Variants in KLHL24 observed in about 807,000 individuals in gnomAD.
KLHL24 encodes the protein kelch like family member 24.
A neutral mutation model predicts 53.4 loss-of-function variants in KLHL24; 29 were observed. That is an observed-to-expected ratio of 0.54 (90% CI 0.40 to 0.74). The LOEUF is 0.74. KLHL24 is among the 30% of genes least tolerant of loss of function. KLHL24 has a pLI of 0.00. For missense variants in KLHL24, 504 were observed against 744.0 expected (o/e 0.68, Z 3.75); for synonymous variants, 222 against 253.7 (o/e 0.88, Z 1.19).
intron 5 of KLHL24, among the ~76,000 whole-genome samples, chr3:183,667,494 G>T (rs572403205): frequency 1.3e-5 from 2 of 152,086 alleles, no homozygotes; most frequent in African/African-American, 2.4e-5. Context: ...TAGGAGCATG[G>T]ACAGCACATA....
Position 183,643,498 on chromosome 3 carries a change from C to T in KLHL24, c.-106C>T, listed in dbSNP as rs1383005956. ...ATTTTAGGTGTGGAAATTAAAAGAACACACATATTTTGACTGGGGCTTTGA... is the reference window on the plus strand; with the variant it reads ...ATTTTAGGTGTGGAAATTAAAAGAATACACATATTTTGACTGGGGCTTTGA... On this transcript the variant is annotated 5_prime_UTR_variant, in exon 2 of 8. Coordinates refer to ENST00000242810, the MANE Select transcript of KLHL24 (RefSeq NM_017644.3). 1 of 152,128 alleles carries T rather than the reference C, an allele frequency of 6.6e-6. No homozygotes were observed. The highest frequency in any genetic ancestry group is 1.5e-5 in the Non-Finnish European group (1 of 68,024). 9.4% of individuals were successfully genotyped at this position (152,128 alleles called of 1,614,324 possible). A position where few individuals can be genotyped will look rare whatever the true frequency, so the allele number is the denominator to read the frequency against.
In KLHL24 at chr3:183,650,734, T is replaced by G; in HGVS notation, c.378T>G (p.Thr126=). 3 of 1,614,048 alleles carry G rather than the reference T, an allele frequency of 1.9e-6. No homozygotes were observed. Among genetic ancestry groups the G allele is most frequent in the Non-Finnish European group, 2.5e-6 (3 of 1,179,982 alleles). ...AATGTTTTTTGCAGTATGTTTATACTGGAAAGGTGAAGATCACTACAGAGA... is the reference window on the plus strand; with the variant it reads ...AATGTTTTTTGCAGTATGTTTATACGGGAAAGGTGAAGATCACTACAGAGA... The part of the protein sequence containing the change: ...AMECFLQYVY[T]GKVKITTENV... The change falls in exon 3 of 8, where the codon ACT becomes ACG. Residue 126 remains threonine, a synonymous_variant. Coordinates refer to ENST00000242810, the MANE Select transcript of KLHL24 (RefSeq NM_017644.3). The surrounding 1 kb of genome is among the most constrained non-coding windows in gnomAD (Gnocchi z 4.5).
chr3:183,661,477 G>C (rs9290768), intron 3 of KLHL24, among the ~76,000 whole-genome samples: 50,929 of 151,982 alleles, frequency 0.34, 9,397 homozygotes, highest in African/African-American at 0.49. Context: ...TTAACAGTCC[G>C]TGATGAGAAC....
rs1399858797 is a variant in KLHL24 at position 183,640,530 on chromosome 3, T to C, written c.-124-2950T>C. 2.0e-5 allele frequency among the ~76,000 whole-genome samples: 3 copies of C among 152,148 alleles called. No individual in the cohort carries two copies. In the East Asian group the frequency reaches 5.8e-4, roughly 29 times the overall value. Reference sequence around the variant, plus strand: ...ATGGGGTAATCCATAGTTGCTATCATTCTATCCAAAGAAACTCAAGGTTTT... The same window carrying C: ...ATGGGGTAATCCATAGTTGCTATCACTCTATCCAAAGAAACTCAAGGTTTT... On this transcript the variant is annotated intron_variant, in intron 1 of 7. Coordinates refer to ENST00000242810, the MANE Select transcript of KLHL24 (RefSeq NM_017644.3).
chr3:183,656,037 C>CTTTTTTTTTT lies in KLHL24; in HGVS notation c.920+4777_920+4786dup, dbSNP rs760140064. 1.5e-4 allele frequency among the ~76,000 whole-genome samples: 14 copies of CTTTTTTTTTT among 90,888 alleles called. 2 individuals are homozygous for CTTTTTTTTTT. The highest frequency in any genetic ancestry group is 7.9e-4 in the East Asian group (2 of 2,542). 59.6% of individuals were successfully genotyped at this position (90,888 alleles called of 152,430 possible). A position where few individuals can be genotyped will look rare whatever the true frequency, so the allele number is the denominator to read the frequency against. On this transcript the variant is annotated intron_variant, in intron 3 of 7. Transcript: ENST00000242810. ...CCTTTATTCAGAGTGCCCTTAGCAT[C>CTTTTTTTTTT]TTTTTTTTTTTTTTTTTTTTTTTTT...
chr3:183,672,250 C>T, intron 6 of KLHL24, 46 bp from the exon 7 acceptor site: 4 of 1,001,680 alleles, frequency 4.0e-6, no homozygotes, highest in Admixed American at 3.1e-5. Context: ...AGTACATTTC[C>T]ATTTTTGTTT....
At chr3:183,637,141 T>C (rs1715429628) in intron 1 of KLHL24, among the ~76,000 whole-genome samples, 1 of 152,174 alleles carries the variant, frequency 6.6e-6, no homozygotes, top group Non-Finnish European at 1.5e-5. Context: ...TTGATTTTAG[T>C]GGATTTTAAT....
At chr3:183,671,639 G>T (rs1303031048) in intron 6 of KLHL24, among the ~76,000 whole-genome samples, 1 of 152,122 alleles carries the variant, frequency 6.6e-6, no homozygotes, top group African/African-American at 2.4e-5. Context: ...CAGAAAAAAG[G>T]AAAGGAAACC....
At chr3:183,658,208 G>T in intron 3 of KLHL24, among the ~76,000 whole-genome samples, 1 of 109,680 alleles carries the variant, frequency 9.1e-6, no homozygotes, top group African/African-American at 5.6e-5. Context: ...GCGAGACTCT[G>T]TCTCAAAAAA....
chr3:183,656,612 T>A (rs1446310274), intron 3 of KLHL24, among the ~76,000 whole-genome samples: 3 of 152,200 alleles, frequency 2.0e-5, no homozygotes, highest in Non-Finnish European at 4.4e-5. Flanking sequence ...GTATGCTAAG[T>A]GCTAGGCTTC....
intron 6 of KLHL24, among the ~76,000 whole-genome samples, 177 bp downstream of exon 6, chr3:183,671,399 A>G (rs1576971308): frequency 6.6e-6 from 1 of 152,214 alleles, no homozygotes; most frequent in African/African-American, 2.4e-5. Context: ...AGACTCTAGT[A>G]TATCTAACAA....
rs1238897504 is a variant in KLHL24 at position 183,683,670 on chromosome 3, T to C, written c.*4384T>C. The stretch of plus-strand genomic sequence containing the variant: ...AGATATTAAATTTTCCTAGTGCTGA[T>C]AAAAACAGCAACATTCATAACTTAT... On this transcript the variant is annotated 3_prime_UTR_variant, in exon 8 of 8. Transcript: ENST00000242810. 2 of 152,642 alleles carry C rather than the reference T, an allele frequency of 1.3e-5. No individual in the cohort carries two copies. Among genetic ancestry groups the C allele is most frequent in the African/African-American group, 4.8e-5 (2 of 41,466 alleles). 9.5% of individuals were successfully genotyped at this position (152,642 alleles called of 1,614,324 possible).
intron 3 of KLHL24, among the ~76,000 whole-genome samples, chr3:183,658,600 G>C (rs535778132): frequency 6.6e-6 from 1 of 152,236 alleles, no homozygotes; most frequent in East Asian, 1.9e-4. Flanking sequence ...AAGTAGACTT[G>C]CTCAGTCATA....
At chr3:183,638,267 G>T (rs1178235823) in intron 1 of KLHL24, among the ~76,000 whole-genome samples, 1 of 152,194 alleles carries the variant, frequency 6.6e-6, no homozygotes, top group Non-Finnish European at 1.5e-5. Context: ...TAAATTCTGC[G>T]TTAAGGCTGA....
chr3:183,669,677 T>C (rs1721077777), intron 5 of KLHL24, among the ~76,000 whole-genome samples: 1 of 152,182 alleles, frequency 6.6e-6, no homozygotes, highest in Non-Finnish European at 1.5e-5. Flanking sequence ...GGACAAGTTA[T>C]GAAATGTGGC....
intron 3 of KLHL24, among the ~76,000 whole-genome samples, chr3:183,652,794 C>T (rs922737798): frequency 2.0e-5 from 3 of 152,186 alleles, no homozygotes; most frequent in Non-Finnish European, 2.9e-5. Flanking sequence ...TTCATGAACA[C>T]ACAGTATCCC....
At position 183,650,697 on chromosome 3, in the gene KLHL24, C is replaced by T. The variant is rs758206128; in HGVS notation, c.341C>T (p.Ala114Val). ...TTGGTTGAGATCAATGGTATTTTAG[C>T]TGAAGCTATGGAATGTTTTTTGCAG... ...EMLVEINGIL[A>V]EAMECFLQYV... The change falls in exon 3 of 8, where the codon GCT (alanine) becomes GTT (valine). Residue 114 changes from alanine (A) to valine (V), a missense_variant. Ala to Val is a moderately conservative substitution (Grantham distance 64). Transcript: ENST00000242810. This position sits in a 1 kb window ranked among gnomAD's most constrained non-coding sequence, Gnocchi z 4.5. The T allele has an allele frequency of 2.5e-6, 4 of 1,613,706 alleles. No individual in the cohort carries two copies. Among genetic ancestry groups the T allele is most frequent in the Non-Finnish European group, 3.4e-6 (4 of 1,179,878 alleles).
intron 7 of KLHL24, among the ~76,000 whole-genome samples, chr3:183,677,013 G>A (rs1712011191): frequency 6.6e-6 from 1 of 150,878 alleles, no homozygotes; most frequent in African/African-American, 2.4e-5. Context: ...CCTACTAGCT[G>A]CCCTTACTCC....
chr3:183,647,266 G>C (rs1214795412), intron 2 of KLHL24, among the ~76,000 whole-genome samples: 1 of 150,306 alleles, frequency 6.7e-6, no homozygotes, highest in East Asian at 2.0e-4. Flanking sequence ...GAATATAAAA[G>C]TTAGCTGGGT....
Sources: gnomAD v4.1 joint callset for allele counts (sites outside exome capture counted in the v4.1 genomes callset) on GRCh38, gnomAD v4.1.1 for gene constraint, Gnocchi (gnomAD v3.1) non-coding constraint, MANE v1.5 for transcripts, NCBI Gene and HGNC (gene_info 2026-07-23, HGNC 2026-07-21) for gene names.